ARHGAP25: variants seen among roughly 807,000 people sequenced by gnomAD.
ARHGAP25 encodes rho GTPase-activating protein 25.
Under a neutral mutation model 71.0 loss-of-function variants are expected in ARHGAP25, and 34 were observed. The ratio of observed to expected loss-of-function variants is 0.48; its 90% CI spans 0.36 to 0.64. The LOEUF (loss-of-function observed/expected upper bound fraction) is 0.64. Ranked by LOEUF, ARHGAP25 falls within the 30% of genes least tolerant of loss-of-function variation. ARHGAP25 has a pLI of 0.00. For synonymous variants in ARHGAP25, 282 were observed against 296.5 expected (o/e 0.95, Z 0.50); for missense variants, 706 against 805.1 (o/e 0.88, Z 1.49).
At chr2:68,759,431 A>T (rs12713661) in intron 1 of ARHGAP25, among the ~76,000 whole-genome samples, 136,819 of 151,682 alleles carry the variant, frequency 0.9, 61,845 homozygotes, top group African/African-American at 0.91. Flanking sequence ...ATAAAAAGAA[A>T]TATAAAAGTA....
At chr2:68,802,193 G>C (rs1187438217) in intron 4 of ARHGAP25, among the ~76,000 whole-genome samples, 1 of 152,084 alleles carries the variant, frequency 6.6e-6, no homozygotes, top group Non-Finnish European at 1.5e-5. Flanking sequence ...CAGATCACGA[G>C]GTCAGGAGAT....
chr2:68,804,774 C>T (rs907725138), intron 4 of ARHGAP25, among the ~76,000 whole-genome samples: 2 of 152,088 alleles, frequency 1.3e-5, no homozygotes, highest in African/African-American at 4.8e-5. Context: ...AAAGAAATGC[C>T]GAATAACCAT....
intron 5 of ARHGAP25, among the ~76,000 whole-genome samples, chr2:68,810,765 A>G (rs1043318136): frequency 1.4e-5 from 2 of 143,820 alleles, no homozygotes; most frequent in African/African-American, 5.2e-5. Context: ...GACCAAGGCT[A>G]GAGTGCAGTG....
intron 2 of ARHGAP25, among the ~76,000 whole-genome samples, chr2:68,726,897 A>G (rs1447762396): frequency 4.1e-5 from 6 of 148,076 alleles, no homozygotes; most frequent in East Asian, 2.0e-4. Flanking sequence ...GCATAGTCCT[A>G]TTGCACAAAT....
At chr2:68,769,826 G>A (rs901913564) in intron 1 of ARHGAP25, among the ~76,000 whole-genome samples, 7 of 152,132 alleles carry the variant, frequency 4.6e-5, no homozygotes, top group South Asian at 2.1e-4. Context: ...CATTCCAGCA[G>A]AGAGAATAGC....
chr2:68,816,482 C>A, intron 7 of ARHGAP25, 120 bp downstream of exon 7: 2 of 780,368 alleles, frequency 2.6e-6, no homozygotes, highest in Non-Finnish European at 2.1e-6. Context: ...TTTGGAAGAT[C>A]AGCTGTATTC....
chr2:68,766,977 C>A (rs779529964), intron 1 of ARHGAP25, among the ~76,000 whole-genome samples: 52 of 152,150 alleles, frequency 3.4e-4, no homozygotes, highest in Non-Finnish European at 6.0e-4. Context: ...CAATAAAGGG[C>A]ATTTCTAGAA....
At position 68,826,200 on chromosome 2, in the gene ARHGAP25, C is replaced by G; in HGVS notation, c.*6C>G. 1.2e-6 allele frequency: 2 copies of G among 1,613,856 alleles called. No individual in the cohort carries two copies. Among genetic ancestry groups the G allele is most frequent in the Non-Finnish European group, 8.5e-7 (1 of 1,179,788 alleles). On this transcript the variant is annotated 3_prime_UTR_variant, in exon 11 of 11. Transcript: ENST00000409202. ...AACCCAAGACCGAGGCTTAAGGGTC[C>G]CAGGAGTACTGCAGGGACAGCCCCA...
At chr2:68,821,505 A>G (rs747473458) in intron 9 of ARHGAP25, among the ~76,000 whole-genome samples, 1 of 152,130 alleles carries the variant, frequency 6.6e-6, no homozygotes, top group Non-Finnish European at 1.5e-5. Context: ...AGTGGGCTTG[A>G]TGGGTCAGAG....
At chr2:68,821,386 C>T (rs994039671) in intron 9 of ARHGAP25, among the ~76,000 whole-genome samples, 2 of 152,136 alleles carry the variant, frequency 1.3e-5, no homozygotes, top group African/African-American at 2.4e-5. Context: ...AGGCATCAGC[C>T]GCTGCACCCA....
At chr2:68,802,166 T>C (rs911088227) in intron 4 of ARHGAP25, among the ~76,000 whole-genome samples, 25 of 152,098 alleles carry the variant, frequency 1.6e-4, no homozygotes, top group Admixed American at 6.5e-4. Flanking sequence ...TCCAGCACTT[T>C]GAGAGGCCAA....
intron 2 of ARHGAP25, among the ~76,000 whole-genome samples, chr2:68,727,289 C>G (rs187079303): frequency 8.5e-4 from 129 of 152,352 alleles, no homozygotes; most frequent in African/African-American, 2.9e-3. Flanking sequence ...ATCTGCTTGA[C>G]TTCAGGCCAT....
intron 1 of ARHGAP25, among the ~76,000 whole-genome samples, chr2:68,758,344 A>C (rs1387583054): frequency 6.6e-6 from 1 of 151,994 alleles, no homozygotes; most frequent in African/African-American, 2.4e-5. Context: ...AAAACAGCCC[A>C]CCTATACGCT....
At chr2:68,732,477 T>C (rs556802715), upstream of ARHGAP25, among the ~76,000 whole-genome samples, 1 of 152,268 alleles carries the variant, frequency 6.6e-6, no homozygotes, top group South Asian at 2.1e-4. Flanking sequence ...CTTAATTAAG[T>C]TGGGATACGA....
At chr2:68,762,385 G>A (rs976598716) in intron 1 of ARHGAP25, among the ~76,000 whole-genome samples, 1 of 152,212 alleles carries the variant, frequency 6.6e-6, no homozygotes, top group Non-Finnish European at 1.5e-5. Flanking sequence ...TAAATTTTAT[G>A]TGTGTTTTAC....
chr2:68,713,949 T>G lies in ARHGAP25; in HGVS notation c.-18+3251T>G, dbSNP rs541598019. ...AGGGATATTGGCCTGAAATTTTCTT[T>G]TTTTGTTGTGTCTCTGCCAGGTTTT... On this transcript the variant is annotated intron_variant and NMD_transcript_variant, in intron 2 of 7. Coordinates refer to the ARHGAP25 transcript ENST00000463483. Among the ~76,000 whole-genome samples, 22 of 152,358 alleles carry G rather than the reference T, an allele frequency of 1.4e-4. No individual in the cohort carries two copies. In the South Asian group the frequency reaches 3.5e-3, roughly 24 times the overall value.
Position 68,782,275 on chromosome 2 carries a change from A to G in ARHGAP25, c.304A>G (p.Thr102Ala). The change falls in exon 3 of 11, where the codon ACA (threonine) becomes GCA (alanine). Residue 102 changes from threonine (T) to alanine (A), a missense_variant. Coordinates refer to ENST00000409202, the MANE Select transcript of ARHGAP25 (RefSeq NM_001007231.3). Reference sequence around the variant, plus strand: ...AGGATGTACAATCAAGGAGATCGCCACAAACCCAGAAGAAGCTGGGAAGTT... The same window carrying G: ...AGGATGTACAATCAAGGAGATCGCCGCAAACCCAGAAGAAGCTGGGAAGTT... ...LPGCTIKEIA[T>A]NPEEAGKFVF... 1 of 1,614,190 alleles carries G rather than the reference A, an allele frequency of 6.2e-7. No individual in the cohort carries two copies. Among genetic ancestry groups the G allele is most frequent in the Non-Finnish European group, 8.5e-7 (1 of 1,180,016 alleles).
In ARHGAP25 at chr2:68,822,615, C is replaced by G; in HGVS notation, c.1476C>G (p.Arg492=). Reference sequence around the variant, plus strand: ...GGAGAACGATGTCTCAAGACTTGCGCCAACTTTCTGACTCCCAACGGACTT... The same window carrying G: ...GGAGAACGATGTCTCAAGACTTGCGGCAACTTTCTGACTCCCAACGGACTT... The part of the protein sequence containing the change: ...GHRRTMSQDL[R]QLSDSQRTST... The change falls in exon 10 of 11, where the codon CGC becomes CGG. Residue 492 remains arginine, a synonymous_variant. Coordinates refer to ENST00000409202, the MANE Select transcript of ARHGAP25 (RefSeq NM_001007231.3). 6.2e-7 allele frequency: 1 copy of G among 1,614,136 alleles called. No individual in the cohort carries two copies. The highest frequency in any genetic ancestry group is 1.1e-5 in the South Asian group (1 of 91,092).
intron 1 of ARHGAP25, among the ~76,000 whole-genome samples, chr2:68,759,682 G>A (rs145761591): frequency 5.9e-5 from 9 of 151,998 alleles, no homozygotes; most frequent in Non-Finnish European, 1.2e-4. Context: ...AATACCAGTC[G>A]CTTTGAAACT....
Sources: allele counts gnomAD v4.1 joint callset (sites outside exome capture counted in the v4.1 genomes callset), GRCh38; gene constraint gnomAD v4.1.1; transcripts MANE v1.5; gene names NCBI Gene and HGNC (gene_info 2026-07-23, HGNC 2026-07-21).